MPPED2: variants seen among roughly 807,000 people sequenced by gnomAD.
MPPED2 encodes the protein metallophosphoesterase MPPED2.
MPPED2 carries 5 observed loss-of-function variants against 33.0 expected under a neutral mutation model. The ratio of observed to expected loss-of-function variants is 0.15; its 90% CI spans 0.08 to 0.32. The LOEUF (loss-of-function observed/expected upper bound fraction) is 0.32, where lower values mean the gene tolerates loss of function less well. Among genes scored for constraint, MPPED2 ranks in the 10% least tolerant of loss-of-function variants. The pLI is 1.00. For missense variants in MPPED2, 275 were observed against 372.1 expected, an observed-to-expected ratio of 0.74 and a Z score of 2.15; for synonymous variants, 136 against 141.9, an observed-to-expected ratio of 0.96 and a Z score of 0.29.
intron 4 of MPPED2, among the ~76,000 whole-genome samples, chr11:30,467,355 C>T (rs890782712): frequency 2.6e-5 from 4 of 152,094 alleles, no homozygotes; most frequent in Non-Finnish European, 5.9e-5. Context: ...GGCAAGGGGG[C>T]AGGCTTAGTG....
At chr11:30,460,951 A>G (rs1030009391) in intron 4 of MPPED2, among the ~76,000 whole-genome samples, 2 of 152,248 alleles carry the variant, frequency 1.3e-5, no homozygotes, top group African/African-American at 4.8e-5. Flanking sequence ...CATTATTCAC[A>G]ATAGTCAATA....
intron 6 of MPPED2, among the ~76,000 whole-genome samples, chr11:30,400,609 C>T (rs1947896271): frequency 6.6e-6 from 1 of 152,152 alleles, no homozygotes; most frequent in South Asian, 2.1e-4. Flanking sequence ...GAGACATCAT[C>T]CAAAGAGTGA....
chr11:30,556,038 T>A (rs1010627888), intron 2 of MPPED2, among the ~76,000 whole-genome samples: 10 of 152,232 alleles, frequency 6.6e-5, no homozygotes, highest in Non-Finnish European at 1.5e-4. Flanking sequence ...TTAATAGCCT[T>A]GAGTGTTCCT....
intron 3 of MPPED2, among the ~76,000 whole-genome samples, chr11:30,530,010 GT>G (rs1210457502): frequency 6.6e-6 from 1 of 152,188 alleles, no homozygotes; most frequent in Admixed American, 6.5e-5. Flanking sequence ...ATAATTAAAA[GT>G]TCATGGCAAT....
At chr11:30,384,982 T>A (rs1164646407) in exon 7 of MPPED2, 1 of 152,194 alleles carries the variant, frequency 6.6e-6, no homozygotes, top group Non-Finnish European at 1.5e-5. Flanking sequence ...GTGCCCTGTA[T>A]GTGCCTGTGT....
Position 30,584,410 on chromosome 11 carries a change from G to A in MPPED2, c.-122+1632C>T, listed in dbSNP as rs1208123299. ...ACTCGCCCTGCCCTTCTAGGCTCAC[G>A]GCTGGCTCTTCCCGGCTACAACTTC... On this transcript the variant is annotated intron_variant, in intron 1 of 6. Transcript: ENST00000358117. Among the ~76,000 whole-genome samples the A allele has an allele frequency of 2.0e-5, 3 of 149,884 alleles. No homozygotes were observed. The East Asian group carries it at 5.9e-4, about 29-fold the overall frequency.
At chr11:30,574,195 C>T (rs1166355016) in intron 2 of MPPED2, among the ~76,000 whole-genome samples, 3 of 152,072 alleles carry the variant, frequency 2.0e-5, no homozygotes, top group Non-Finnish European at 4.4e-5. Flanking sequence ...CCTATATGCC[C>T]CATTCATGTA....
At chr11:30,569,124 T>A (rs373533893) in intron 2 of MPPED2, among the ~76,000 whole-genome samples, 43 of 152,214 alleles carry the variant, frequency 2.8e-4, no homozygotes, top group African/African-American at 9.9e-4. Flanking sequence ...CAGTGGAGCG[T>A]GCCGACAGCC....
chr11:30,407,059 C>T (rs1948001673), downstream of MPPED2, among the ~76,000 whole-genome samples: 2 of 152,090 alleles, frequency 1.3e-5, no homozygotes, highest in Admixed American at 1.3e-4. Context: ...TTGACAAATC[C>T]CAAATCCTCC....
intron 3 of MPPED2, among the ~76,000 whole-genome samples, chr11:30,511,976 C>A (rs1205204631): frequency 1.3e-5 from 2 of 152,064 alleles, no homozygotes; most frequent in Non-Finnish European, 2.9e-5. Flanking sequence ...TGGAATAGTT[C>A]AACAAAGCTA....
intron 4 of MPPED2, among the ~76,000 whole-genome samples, chr11:30,475,366 C>A (rs1951138212): frequency 6.6e-6 from 1 of 152,090 alleles, no homozygotes; most frequent in South Asian, 2.1e-4. Flanking sequence ...TATATACATA[C>A]TATAATGAAG....
In MPPED2 at chr11:30,527,796, C is replaced by T. The variant is rs1034130489; in HGVS notation, c.310+8198G>A. Among the ~76,000 whole-genome samples the T allele has an allele frequency of 5.8e-4, 89 of 152,166 alleles. 1 individual carries two copies. The highest frequency in any genetic ancestry group is 1.0e-3 in the Non-Finnish European group (69 of 68,024). ...AGGGCCACCTTCTCCAAGTTCTCCC[C>T]TCCCCCTGTCTCTCCAATTCCTGCC... On this transcript the variant is annotated intron_variant, in intron 3 of 6. Coordinates refer to ENST00000358117, the MANE Select transcript of MPPED2 (RefSeq NM_001584.3).
chr11:30,483,715 T>A (rs1951598047), intron 4 of MPPED2, among the ~76,000 whole-genome samples: 2 of 152,202 alleles, frequency 1.3e-5, no homozygotes, highest in Non-Finnish European at 2.9e-5. Flanking sequence ...ATAAAACATT[T>A]TTTTTTCCTG....
chr11:30,495,402 A>C lies in MPPED2; in HGVS notation c.430T>G (p.Leu144Val), dbSNP rs768954061. Residue 144 changes from leucine (L) to valine (V), a missense_variant, in exon 4 of 7, where the codon TTG (leucine) becomes GTG (valine). By Grantham distance (32) the Leu-to-Val change is conservative. Coordinates refer to ENST00000358117, the MANE Select transcript of MPPED2 (RefSeq NM_001584.3). ...DYYRFPSVSK[L>V]KPEDFDNVQS... The stretch of plus-strand genomic sequence containing the variant: ...ACATTGTCAAAGTCCTCTGGTTTCA[A>C]TTTGGACACAGAGGGGAAACGGTAG... The C allele has an allele frequency of 1.2e-6, 2 of 1,614,124 alleles. No homozygotes were observed. Among genetic ancestry groups the C allele is most frequent in the Non-Finnish European group, 1.7e-6 (2 of 1,179,994 alleles).
At chr11:30,523,556 C>T (rs1334004242) in intron 3 of MPPED2, among the ~76,000 whole-genome samples, 5 of 151,798 alleles carry the variant, frequency 3.3e-5, no homozygotes, top group African/African-American at 7.3e-5. Context: ...TTCATCCTCA[C>T]GACTCTGTGA....
chr11:30,459,001 C>T (rs1371973432), intron 4 of MPPED2, among the ~76,000 whole-genome samples: 1 of 137,532 alleles, frequency 7.3e-6, no homozygotes, highest in African/African-American at 2.7e-5. Context: ...TCTCGGCTCA[C>T]TGCAAGCTCC....
intron 3 of MPPED2, among the ~76,000 whole-genome samples, chr11:30,514,567 A>G (rs980875979): frequency 1.3e-5 from 2 of 152,146 alleles, no homozygotes; most frequent in Non-Finnish European, 2.9e-5. Flanking sequence ...TGTTTCTTAC[A>G]GTCAAAAGCC....
At chr11:30,501,807 T>A (rs1016807631) in intron 3 of MPPED2, among the ~76,000 whole-genome samples, 3 of 152,218 alleles carry the variant, frequency 2.0e-5, no homozygotes, top group Non-Finnish European at 2.9e-5. Flanking sequence ...TAGCAACTTA[T>A]GTCAAAGTCA....
intron 4 of MPPED2, among the ~76,000 whole-genome samples, chr11:30,446,144 C>A (rs1216472558): frequency 2.0e-5 from 3 of 152,218 alleles, no homozygotes. Flanking sequence ...AAATGAATAG[C>A]TTTGCAGGCA....
Sources: gnomAD v4.1 joint callset for allele counts (sites outside exome capture counted in the v4.1 genomes callset) on GRCh38, gnomAD v4.1.1 for gene constraint, MANE v1.5 for transcripts, NCBI Gene and HGNC (gene_info 2026-07-23, HGNC 2026-07-21) for gene names.